The following ABCA13 variants were observed in gnomAD, a reference collection of about 807,000 sequenced individuals.
The protein encoded by ABCA13 is ATP binding cassette subfamily A member 13, also known as ATP-binding cassette sub-family A member 13.
ABCA13 carries 476 observed loss-of-function variants against 478.7 expected under a neutral mutation model. The observed-to-expected ratio is 0.99, with a 90% CI of 0.92 to 1.07. The LOEUF (loss-of-function observed/expected upper bound fraction) is 1.07. Ranked by LOEUF, ABCA13 falls within the 50% of genes least tolerant of loss-of-function variation. The pLI, the probability that ABCA13 is intolerant of heterozygous loss-of-function variation, is 0.00. For missense variants in ABCA13, 6,060 were observed against 5,910.6 expected, an observed-to-expected ratio of 1.03 and a Z score of -0.83; for synonymous variants, 2,252 against 2,158.9, an observed-to-expected ratio of 1.04 and a Z score of -1.20.
At chr7:48,380,561 T>C (rs571563566) in intron 35 of ABCA13, among the ~76,000 whole-genome samples, 143 of 152,352 alleles carry the variant, frequency 9.4e-4, no homozygotes, top group African/African-American at 3.2e-3. Context: ...TGAAACACTT[T>C]GCATTTGCAC....
chr7:48,364,766 T>C (rs999425767), intron 31 of ABCA13, among the ~76,000 whole-genome samples: 3 of 152,224 alleles, frequency 2.0e-5, no homozygotes, highest in African/African-American at 7.2e-5. Flanking sequence ...CTAAATAATA[T>C]TCCATTTTGT....
At chr7:48,443,357 CT>C (rs1823879496) in intron 42 of ABCA13, among the ~76,000 whole-genome samples, 2 of 152,146 alleles carry the variant, frequency 1.3e-5, no homozygotes, top group Non-Finnish European at 2.9e-5. Flanking sequence ...TGAGATGGGG[CT>C]TTCTGTGTGT....
intron 55 of ABCA13, among the ~76,000 whole-genome samples, chr7:48,531,731 A>ATTTTT (rs34996683): frequency 9.8e-6 from 1 of 102,262 alleles, no homozygotes; most frequent in Non-Finnish European, 1.9e-5. Context: ...TATATTCCTA[A>ATTTTT]TTTTTTTTTT....
intron 2 of ABCA13, among the ~76,000 whole-genome samples, chr7:48,195,974 GGTAA>G (rs1329580812): frequency 1.3e-5 from 2 of 152,040 alleles, no homozygotes; most frequent in African/African-American, 4.8e-5. Context: ...AAAAAGGGAA[GGTAA>G]GTGATAGAAA....
intron 1 of ABCA13, among the ~76,000 whole-genome samples, chr7:48,180,301 A>T (rs1795487580): frequency 6.6e-6 from 1 of 152,172 alleles, no homozygotes; most frequent in Non-Finnish European, 1.5e-5. Flanking sequence ...TGAGTCCCAA[A>T]TTCCAGGTGG....
intron 57 of ABCA13, among the ~76,000 whole-genome samples, chr7:48,588,540 G>A (rs1359711300): frequency 6.6e-6 from 1 of 152,180 alleles, no homozygotes; most frequent in Non-Finnish European, 1.5e-5. Context: ...GAGTGGTCAA[G>A]GTGGGGACTC....
Position 48,627,807 on chromosome 7 carries a change from A to T in ABCA13, c.14837+12430A>T, listed in dbSNP as rs538440937. Among the ~76,000 whole-genome samples, 34 of 152,338 alleles carry T rather than the reference A, an allele frequency of 2.2e-4. No homozygotes were observed. In the South Asian group the frequency reaches 6.9e-3, roughly 31 times the overall value. ...GCCTAGTGCTGCTGGATAGCCTGGCAGAAGCACAGACATATGAGTGCAAGC... is the reference window on the plus strand; with the variant it reads ...GCCTAGTGCTGCTGGATAGCCTGGCTGAAGCACAGACATATGAGTGCAAGC... On this transcript the variant is annotated intron_variant, in intron 59 of 61. Transcript: ENST00000435803.
intron 58 of ABCA13, among the ~76,000 whole-genome samples, chr7:48,611,620 A>C (rs1227661581): frequency 6.6e-6 from 1 of 152,118 alleles, no homozygotes; most frequent in Non-Finnish European, 1.5e-5. Context: ...AGTGCTACAC[A>C]CTTTTAAACA....
chr7:48,430,385 A>C (rs1821975447), intron 42 of ABCA13, among the ~76,000 whole-genome samples: 1 of 152,046 alleles, frequency 6.6e-6, no homozygotes, highest in African/African-American at 2.4e-5. Flanking sequence ...AAAAGTCTGT[A>C]GTGATGTTTG....
intron 42 of ABCA13, among the ~76,000 whole-genome samples, chr7:48,445,959 T>C (rs1824245725): frequency 6.6e-6 from 1 of 152,140 alleles, no homozygotes; most frequent in Non-Finnish European, 1.5e-5. Flanking sequence ...CATGTATCAC[T>C]GCACATATCT....
chr7:48,528,464 A>C, intron 55 of ABCA13, 119 bp downstream of exon 55: 1 of 685,394 alleles, frequency 1.5e-6, no homozygotes, highest in Non-Finnish European at 2.3e-6. Context: ...CTCCAAATTT[A>C]CCTTCCAATT....
At chr7:48,307,789 C>A (rs970270307) in intron 23 of ABCA13, among the ~76,000 whole-genome samples, 6 of 152,002 alleles carry the variant, frequency 3.9e-5, no homozygotes, top group African/African-American at 7.3e-5. Flanking sequence ...CAAGCAATTC[C>A]CCTGCCTCAG....
At chr7:48,417,154 C>A (rs1343651212) in intron 41 of ABCA13, among the ~76,000 whole-genome samples, 1 of 152,166 alleles carries the variant, frequency 6.6e-6, no homozygotes, top group African/African-American at 2.4e-5. Context: ...AACAGGATCC[C>A]CCAGCTTTTC....
intron 42 of ABCA13, among the ~76,000 whole-genome samples, chr7:48,431,829 T>C (rs1441604749): frequency 6.6e-6 from 1 of 152,174 alleles, no homozygotes; most frequent in Non-Finnish European, 1.5e-5. Context: ...GCAAACACTT[T>C]GTGAAACCTT....
intron 57 of ABCA13, among the ~76,000 whole-genome samples, chr7:48,589,218 G>A (rs1319183977): frequency 1.3e-5 from 2 of 152,164 alleles, no homozygotes; most frequent in African/African-American, 4.8e-5. Context: ...CAAGTTCTAA[G>A]AAATATTAAT....
chr7:48,237,330 A>G (rs765384844), intron 8 of ABCA13, among the ~76,000 whole-genome samples: 1 of 152,168 alleles, frequency 6.6e-6, no homozygotes, highest in Non-Finnish European at 1.5e-5. Context: ...CATAATCTTA[A>G]TCTTGTGGCC....
intron 5 of ABCA13, among the ~76,000 whole-genome samples, chr7:48,222,213 G>C (rs1429965178): frequency 6.6e-6 from 1 of 152,000 alleles, no homozygotes; most frequent in Non-Finnish European, 1.5e-5. Flanking sequence ...TGATGCACCA[G>C]GTCAAAAGGA....
At chr7:48,528,196 T>C (rs754271184) in intron 54 of ABCA13, 40 bp from the exon 55 acceptor site, 2 of 1,457,094 alleles carry the variant, frequency 1.4e-6, no homozygotes, top group Admixed American at 2.0e-5. Context: ...ATTTAGCTTG[T>C]TTGATTGAAT....
chr7:48,571,547 T>C (rs915066544), intron 55 of ABCA13, among the ~76,000 whole-genome samples: 1 of 152,096 alleles, frequency 6.6e-6, no homozygotes, highest in Non-Finnish European at 1.5e-5. Flanking sequence ...TTCTGGCCTC[T>C]GTGATGTCTG....
Sources: gnomAD v4.1 joint callset for allele counts (sites outside exome capture counted in the v4.1 genomes callset) on GRCh38, gnomAD v4.1.1 for gene constraint, MANE v1.5 for transcripts, NCBI Gene and HGNC (gene_info 2026-07-23, HGNC 2026-07-21) for gene names.